Variants in OTUD7B observed in about 807,000 individuals in gnomAD.
OTUD7B encodes OTU deubiquitinase 7B.
In OTUD7B, 34 loss-of-function variants were observed where a neutral mutation model predicts 82.2. The observed-to-expected ratio is 0.41, with a 90% CI of 0.31 to 0.55. The LOEUF is 0.55. Ranked by LOEUF, OTUD7B falls within the 20% of genes least tolerant of loss-of-function variation. The probability of loss-of-function intolerance (pLI) is 0.20; values close to 1 mark genes in which losing one functional copy is unlikely to be tolerated. For synonymous variants in OTUD7B, 398 were observed against 402.7 expected, an observed-to-expected ratio of 0.99 and a Z score of 0.14; for missense variants, 944 against 1,062.1, an observed-to-expected ratio of 0.89 and a Z score of 1.55.
chr1:150,041,232 T>G, the OTUD7B span, among the ~76,000 whole-genome samples: 1 of 152,218 alleles, frequency 6.6e-6, no homozygotes, highest in African/African-American at 2.4e-5. Flanking sequence ...AATTTTAAAT[T>G]TATTGCTATA....
chr1:150,027,598 A>C, the OTUD7B span, among the ~76,000 whole-genome samples: 1 of 152,152 alleles, frequency 6.6e-6, no homozygotes, highest in East Asian at 1.9e-4. Context: ...AAAAATAAAT[A>C]AATAAGTAAA....
At chr1:150,004,491 C>T (rs868913106) in intron 1 of OTUD7B, among the ~76,000 whole-genome samples, 5 of 151,786 alleles carry the variant, frequency 3.3e-5, no homozygotes, top group Non-Finnish European at 5.9e-5. Context: ...ACCCAGGAGG[C>T]GGAGGTTGCA....
At position 149,943,650 on chromosome 1, in the gene OTUD7B, A is replaced by G. The variant is rs1553770990; in HGVS notation, c.*207T>C. 3.4e-6 allele frequency: 2 copies of G among 593,120 alleles called. No individual in the cohort carries two copies. The highest frequency in any genetic ancestry group is 3.0e-6 in the Non-Finnish European group (1 of 332,438). 36.7% of individuals were successfully genotyped at this position (593,120 alleles called of 1,614,324 possible). ...TCATCAAGTCAAGCTCTGCAGAGGA[A>G]TAGTACAGCCCCTGAGGTGCCATCC... On this transcript the variant is annotated 3_prime_UTR_variant, in exon 12 of 12. Transcript: ENST00000581312.
chr1:150,033,770 G>T, the OTUD7B span, among the ~76,000 whole-genome samples: 1 of 152,100 alleles, frequency 6.6e-6, no homozygotes, highest in Non-Finnish European at 1.5e-5. Context: ...TCACCAGACT[G>T]GAGTATAGTG....
chr1:150,043,358 A>G, the OTUD7B span, among the ~76,000 whole-genome samples: 2 of 152,238 alleles, frequency 1.3e-5, no homozygotes, highest in East Asian at 3.8e-4. Context: ...AGTACTAAAA[A>G]CAAACATAAA....
At chr1:150,058,442 G>C in the OTUD7B span, among the ~76,000 whole-genome samples, 1 of 152,208 alleles carries the variant, frequency 6.6e-6, no homozygotes, top group Non-Finnish European at 1.5e-5. Context: ...CCAGGAGTTT[G>C]AGGTTGCAGT....
At chr1:150,042,838 A>C in the OTUD7B span, among the ~76,000 whole-genome samples, 5 of 152,198 alleles carry the variant, frequency 3.3e-5, no homozygotes, top group Non-Finnish European at 7.3e-5. Flanking sequence ...AAGCAGAAAA[A>C]TTATATATCA....
At chr1:149,952,320 A>G (rs1553773665) in intron 7 of OTUD7B, among the ~76,000 whole-genome samples, 1 of 150,746 alleles carries the variant, frequency 6.6e-6, no homozygotes, top group Non-Finnish European at 1.5e-5. Context: ...TGTCCTTGCG[A>G]TAGTTTGCTC....
chr1:149,965,291 C>T (rs1371221711), intron 5 of OTUD7B, among the ~76,000 whole-genome samples: 1 of 152,026 alleles, frequency 6.6e-6, no homozygotes, highest in African/African-American at 2.4e-5. Context: ...CGCTTGAACC[C>T]AGGGGTGGAG....
the OTUD7B span, among the ~76,000 whole-genome samples, chr1:150,025,636 G>A: frequency 6.6e-6 from 1 of 152,160 alleles, no homozygotes; most frequent in Non-Finnish European, 1.5e-5. Flanking sequence ...ACATCTTACA[G>A]TGCTCACCAC....
intron 1 of OTUD7B, among the ~76,000 whole-genome samples, chr1:150,002,244 C>CATTTAATAAAATA (rs1652345029): frequency 6.6e-6 from 1 of 151,502 alleles, no homozygotes; most frequent in Admixed American, 6.6e-5. Flanking sequence ...TAATCAGTGC[C>CATTTAATAAAATA]CAATTTATCA....
intron 1 of OTUD7B, among the ~76,000 whole-genome samples, chr1:150,006,841 T>C (rs1553786235): frequency 6.6e-6 from 1 of 152,246 alleles, no homozygotes; most frequent in African/African-American, 2.4e-5. Flanking sequence ...TTATGCCTCC[T>C]GGCTGTATCC....
chr1:149,950,986 T>TTTTTC (rs1648194095), intron 7 of OTUD7B, among the ~76,000 whole-genome samples: 1 of 236 alleles, frequency 4.2e-3, no homozygotes. Flanking sequence ...TATTTTTTTT[T>TTTTTC]TTTTTTTTTT....
intron 11 of OTUD7B, among the ~76,000 whole-genome samples, chr1:149,945,793 G>A (rs1295884673): frequency 6.6e-6 from 1 of 152,176 alleles, no homozygotes; most frequent in East Asian, 1.9e-4. Flanking sequence ...AGGCACGGTG[G>A]CTCATGCCTG....
intron 1 of OTUD7B, among the ~76,000 whole-genome samples, chr1:150,006,492 A>C (rs1652681996): frequency 6.6e-6 from 1 of 152,198 alleles, no homozygotes; most frequent in African/African-American, 2.4e-5. Context: ...TTAAACTCAT[A>C]GTGGGTCACT....
At chr1:150,043,775 AAG>A in the OTUD7B span, among the ~76,000 whole-genome samples, 1 of 152,290 alleles carries the variant, frequency 6.6e-6, no homozygotes, top group South Asian at 2.1e-4. Flanking sequence ...CCTCATAGTC[AAG>A]GATGTAGACA....
chr1:150,037,715 G>A, the OTUD7B span, among the ~76,000 whole-genome samples: 4 of 151,170 alleles, frequency 2.6e-5, no homozygotes, highest in Admixed American at 1.3e-4. Context: ...TCAGCCTCCC[G>A]CGTAGTTGGG....
At chr1:150,002,238 C>T (rs1652343750) in intron 1 of OTUD7B, among the ~76,000 whole-genome samples, 1 of 150,398 alleles carries the variant, frequency 6.6e-6, no homozygotes, top group Admixed American at 6.6e-5. Flanking sequence ...TACTTTTAAT[C>T]AGTGCCCAAT....
At chr1:149,983,321 G>A (rs61807556) in intron 1 of OTUD7B, among the ~76,000 whole-genome samples, 2,167 of 151,886 alleles carry the variant, frequency 0.014, 22 homozygotes, top group Non-Finnish European at 0.023. Context: ...AAAGCTTCCA[G>A]CATGGAGGAA....
Sources: gnomAD v4.1 joint callset for allele counts (sites outside exome capture counted in the v4.1 genomes callset) on GRCh38, gnomAD v4.1.1 for gene constraint, MANE v1.5 for transcripts, NCBI Gene and HGNC (gene_info 2026-07-23, HGNC 2026-07-21) for gene names.